The following SYCP2L variants were observed in gnomAD, a reference collection of about 807,000 sequenced individuals.
SYCP2L encodes synaptonemal complex protein 2 like.
SYCP2L carries 98 observed loss-of-function variants against 125.8 expected under a neutral mutation model. That is an observed-to-expected ratio of 0.78 (90% CI 0.66 to 0.92). The LOEUF (loss-of-function observed/expected upper bound fraction) is 0.92. SYCP2L is among the 40% of genes least tolerant of loss of function. The probability of loss-of-function intolerance (pLI) is 0.00; values close to 1 mark genes in which losing one functional copy is unlikely to be tolerated. For missense variants in SYCP2L, 842 were observed against 936.4 expected (o/e 0.90, Z 1.32); for synonymous variants, 317 against 325.4 (o/e 0.97, Z 0.28).
At chr6:10,924,358 T>C (rs1055158719) in intron 14 of SYCP2L, 138 bp from the exon 15 acceptor site, 11 of 650,432 alleles carry the variant, frequency 1.7e-5, no homozygotes, top group Non-Finnish European at 2.1e-5. Flanking sequence ...GTAATGTTAT[T>C]TAATATGATT....
chr6:10,902,693 G>T lies in SYCP2L; in HGVS notation c.483G>T (p.Leu161Phe). 6.2e-7 allele frequency: 1 copy of T among 1,613,362 alleles called. No individual in the cohort carries two copies. The highest frequency in any genetic ancestry group is 1.1e-5 in the South Asian group (1 of 90,818). The change falls in exon 7 of 30, where the codon TTG becomes TTT. Residue 161 changes from leucine to phenylalanine, a missense_variant. By Grantham distance (22) the Leu-to-Phe change is conservative. Transcript: ENST00000283141. ...RSSSEGKIQM[L>F]DSFLLSLGFL... Reference sequence around the variant, plus strand: ...TACTTTCAGGGAAAATTCAGATGTTGGATTCCTTCCTACTTAGCTTAGGAT... The same window carrying T: ...TACTTTCAGGGAAAATTCAGATGTTTGATTCCTTCCTACTTAGCTTAGGAT...
chr6:10,957,811 T>A (rs1329274089), intron 25 of SYCP2L, among the ~76,000 whole-genome samples: 1 of 152,148 alleles, frequency 6.6e-6, no homozygotes, highest in African/African-American at 2.4e-5. Flanking sequence ...AGCAAGACCA[T>A]GTCTCTATTT....
At chr6:10,959,076 C>T (rs1474074861) in intron 26 of SYCP2L, among the ~76,000 whole-genome samples, 1 of 152,190 alleles carries the variant, frequency 6.6e-6, no homozygotes, top group Non-Finnish European at 1.5e-5. Context: ...TAAGCCTCCT[C>T]ATGGTCTACC....
At chr6:10,948,806 A>T (rs1012855652) in intron 23 of SYCP2L, among the ~76,000 whole-genome samples, 11 of 152,234 alleles carry the variant, frequency 7.2e-5, no homozygotes, top group African/African-American at 2.6e-4. Flanking sequence ...AGTTTGTAAA[A>T]CCACCTGGGA....
intron 5 of SYCP2L, 31 bp from the exon 6 acceptor site, chr6:10,898,793 A>G: frequency 7.6e-7 from 1 of 1,317,162 alleles, no homozygotes; most frequent in Non-Finnish European, 1.1e-6. Context: ...TTAAAATAAT[A>G]TGAGCTTTAC....
At chr6:10,952,406 G>T (rs779156781) in intron 23 of SYCP2L, among the ~76,000 whole-genome samples, 4 of 152,098 alleles carry the variant, frequency 2.6e-5, no homozygotes, top group Non-Finnish European at 5.9e-5. Context: ...CACAAATTCC[G>T]CATAATTCAT....
At chr6:10,915,248 A>C (rs1244634476) in intron 14 of SYCP2L, among the ~76,000 whole-genome samples, 1 of 152,154 alleles carries the variant, frequency 6.6e-6, no homozygotes, top group Non-Finnish European at 1.5e-5. Flanking sequence ...CTAGGTATAC[A>C]ATCATTATCA....
chr6:10,912,358 C>A lies in SYCP2L; in HGVS notation c.919-315C>A, dbSNP rs1001273058. Among the ~76,000 whole-genome samples, 1 of 152,002 alleles carries A rather than the reference C, an allele frequency of 6.6e-6. No individual in the cohort carries two copies. The highest frequency in any genetic ancestry group is 2.4e-5 in the African/African-American group (1 of 41,384). ...TATGCAGTGTGGCTTGTTACTGATT[C>A]AACATAGAACTGTTTTCTCCGTGAT... On this transcript the variant is annotated intron_variant, in intron 12 of 29. Coordinates refer to ENST00000283141, the MANE Select transcript of SYCP2L (RefSeq NM_001040274.3). This position sits in a 1 kb window ranked among gnomAD's most constrained non-coding sequence, Gnocchi z 4.1.
chr6:10,908,342 T>TGA (rs1327436235), intron 10 of SYCP2L, among the ~76,000 whole-genome samples: 1 of 152,096 alleles, frequency 6.6e-6, no homozygotes, highest in African/African-American at 2.4e-5. Context: ...GCAGCTGCTG[T>TGA]GATGGCAGGA....
Position 10,898,090 on chromosome 6 carries a change from T to C in SYCP2L, c.416T>C (p.Ile139Thr). ...TCAGACACGTCGCTGATTTGTGTTA[T>C]AGAAGATTTCTTTGACACTGCATTG... ...LASDTSLICV[I>T]EDFFDTALII... Residue 139 changes from isoleucine to threonine, a missense_variant, in exon 5 of 30, where the codon ATA (isoleucine) becomes ACA (threonine). Ile to Thr is a moderately conservative substitution (Grantham distance 89). Transcript: ENST00000283141. 4 of 1,614,040 alleles carry C rather than the reference T, an allele frequency of 2.5e-6. No individual in the cohort carries two copies. Among genetic ancestry groups the C allele is most frequent in the Non-Finnish European group, 3.4e-6 (4 of 1,179,858 alleles).
Position 10,896,382 on chromosome 6 carries a change from C to T in SYCP2L, c.337-1629C>T, listed in dbSNP as rs75089834. Among the ~76,000 whole-genome samples the T allele has an allele frequency of 6.1e-3, 921 of 152,216 alleles. 8 individuals carry two copies. The highest frequency in any genetic ancestry group is 0.02 in the African/African-American group (849 of 41,520). On this transcript the variant is annotated intron_variant, in intron 4 of 29. Transcript: ENST00000283141. ...CCCAAGTATTGATCAGATAGTGCAG[C>T]CTTTCTGCCACTTCTGTATCTCCTC...
intron 20 of SYCP2L, among the ~76,000 whole-genome samples, chr6:10,934,272 T>G (rs189155539): frequency 1.5e-4 from 23 of 152,370 alleles, no homozygotes; most frequent in African/African-American, 4.6e-4. Context: ...TTGTAGTTCC[T>G]AAGGAAAACA....
At chr6:10,936,543 CA>C (rs1554106964) in intron 21 of SYCP2L, among the ~76,000 whole-genome samples, 2 of 151,994 alleles carry the variant, frequency 1.3e-5, no homozygotes, top group Non-Finnish European at 2.9e-5. Flanking sequence ...AAGAAAGGAA[CA>C]AAGTTACTAC....
chr6:10,957,297 C>CTGT lies in SYCP2L; in HGVS notation c.2163+1056_2163+1058dup, dbSNP rs544940977. ...GTTTGGGGAGGGGTATTTGTCTTAG[C>CTGT]TGTGGTCACTGATTTCAGTCTTCGT... On this transcript the variant is annotated intron_variant, in intron 25 of 29. Transcript: ENST00000283141. Among the ~76,000 whole-genome samples the CTGT allele has an allele frequency of 4.6e-5, 7 of 152,300 alleles. No individual in the cohort carries two copies. The East Asian group carries it at 1.3e-3, about 29-fold the overall frequency.
chr6:10,957,060 C>G (rs564296010), intron 25 of SYCP2L, among the ~76,000 whole-genome samples: 142 of 152,130 alleles, frequency 9.3e-4, no homozygotes, highest in Non-Finnish European at 1.8e-3. Flanking sequence ...CACTTCTGGC[C>G]TAAGGTGATC....
chr6:10,895,740 G>A (rs192598199), intron 4 of SYCP2L, among the ~76,000 whole-genome samples: 53 of 152,122 alleles, frequency 3.5e-4, no homozygotes, highest in African/African-American at 9.4e-4. Context: ...CCCCTGCCTC[G>A]GCCTCCCAAA....
chr6:10,946,373 A>G (rs1411884424), intron 23 of SYCP2L, among the ~76,000 whole-genome samples: 3 of 151,786 alleles, frequency 2.0e-5, no homozygotes, highest in African/African-American at 7.3e-5. Context: ...TTTAGTGTTA[A>G]TCTAGTGTTA....
Position 10,930,517 on chromosome 6 carries a change from A to T in SYCP2L, c.1633+3A>T. ...AAGAACCAGAAGTAATTTGAGAAGT[A>T]AGTCTGGCATGTCTTCTTTTGAATC... On this transcript the variant is annotated splice_donor_region_variant and intron_variant, in intron 19 of 29. Transcript: ENST00000283141. 1 of 1,607,616 alleles carries T rather than the reference A, an allele frequency of 6.2e-7. No homozygotes were observed. Among genetic ancestry groups the T allele is most frequent in the South Asian group, 1.1e-5 (1 of 89,714 alleles).
In SYCP2L at chr6:10,905,452, C is replaced by A. The variant is rs140935738; in HGVS notation, c.642-568C>A. Reference sequence around the variant, plus strand: ...GGAATACAGGCATGTGCTGCCACACCTGGCTAGTTTTGTGTTTTTAGTAGA... The same window carrying A: ...GGAATACAGGCATGTGCTGCCACACATGGCTAGTTTTGTGTTTTTAGTAGA... On this transcript the variant is annotated intron_variant, in intron 8 of 29. Coordinates refer to ENST00000283141, the MANE Select transcript of SYCP2L (RefSeq NM_001040274.3). 4.7e-3 allele frequency among the ~76,000 whole-genome samples: 708 copies of A among 152,134 alleles called. 7 individuals carry two copies. The highest frequency in any genetic ancestry group is 0.015 in the African/African-American group (611 of 41,506).
Sources: allele counts gnomAD v4.1 joint callset (sites outside exome capture counted in the v4.1 genomes callset), GRCh38; gene constraint gnomAD v4.1.1; non-coding constraint Gnocchi (gnomAD v3.1); transcripts MANE v1.5; gene names NCBI Gene and HGNC (gene_info 2026-07-23, HGNC 2026-07-21).